The following PCDH15 variants were observed in gnomAD, a reference collection of about 807,000 sequenced individuals.
PCDH15 encodes the protein protocadherin-15.
Under a neutral mutation model 178.5 loss-of-function variants are expected in PCDH15, and 129 were observed. The ratio of observed to expected loss-of-function variants is 0.72; its 90% confidence interval spans 0.63 to 0.84. The LOEUF is 0.84. Ranked by LOEUF, PCDH15 falls within the 40% of genes least tolerant of loss-of-function variation. The pLI is 0.00. For synonymous variants in PCDH15, 800 were observed against 732.0 expected, an observed-to-expected ratio of 1.09 and a Z score of -1.50; for missense variants, 2,230 against 2,099.9, an observed-to-expected ratio of 1.06 and a Z score of -1.21.
At chr10:54,163,995 A>T (rs1590885905) in intron 13 of PCDH15, among the ~76,000 whole-genome samples, 1 of 152,158 alleles carries the variant, frequency 6.6e-6, no homozygotes, top group African/African-American at 2.4e-5. Flanking sequence ...GGAAACAAAC[A>T]TCTTCTTCAT....
intron 14 of PCDH15, among the ~76,000 whole-genome samples, chr10:54,143,595 A>C (rs1387915030): frequency 6.6e-6 from 1 of 152,202 alleles, no homozygotes; most frequent in African/African-American, 2.4e-5. Context: ...CATGAAGCAG[A>C]GCAATAATTG....
intron 3 of PCDH15, among the ~76,000 whole-genome samples, chr10:54,475,279 T>G (rs2078199893): frequency 6.6e-6 from 1 of 152,022 alleles, no homozygotes; most frequent in African/African-American, 2.4e-5. Context: ...AATTATAATA[T>G]TCAACGTTTA....
chr10:54,303,405 A>T lies in PCDH15; in HGVS notation c.876+13866T>A, dbSNP rs2060264341. The stretch of plus-strand genomic sequence containing the variant: ...CATATCCCATATGTACATATATATA[A>T]AAATATATTTATGTATGTGTATATA... On this transcript the variant is annotated intron_variant, in intron 8 of 37. Coordinates refer to ENST00000644397, the MANE Select transcript of PCDH15 (RefSeq NM_001384140.1). Among the ~76,000 whole-genome samples the T allele has an allele frequency of 3.3e-5, 5 of 151,984 alleles. No homozygotes were observed. The South Asian group carries it at 6.2e-4, about 19-fold the overall frequency.
At chr10:54,087,054 A>T (rs1445382899) in intron 16 of PCDH15, among the ~76,000 whole-genome samples, 1 of 152,160 alleles carries the variant, frequency 6.6e-6, no homozygotes, top group African/African-American at 2.4e-5. Context: ...TCTTGGCATC[A>T]AGGGAAAAAC....
Position 54,193,503 on chromosome 10 carries a change from C to T in PCDH15, c.1305+2180G>A, listed in dbSNP as rs987296246. Among the ~76,000 whole-genome samples the T allele has an allele frequency of 4.6e-5, 7 of 152,106 alleles. No homozygotes were observed. The South Asian group carries it at 6.2e-4, about 14-fold the overall frequency. ...ATGTATTCAATTGAAAAGCAAAATC[C>T]GCACTAAAATTTGTGGGACATTAGT... On this transcript the variant is annotated intron_variant, in intron 11 of 37. Transcript: ENST00000644397.
intron 2 of PCDH15, among the ~76,000 whole-genome samples, chr10:54,627,463 T>G (rs2093587258): frequency 6.6e-6 from 1 of 152,116 alleles, no homozygotes; most frequent in African/African-American, 2.4e-5. Context: ...AAATGGAAGT[T>G]TGCCTGCACA....
chr10:55,214,355 T>C (rs1019768232), intron 1 of PCDH15, among the ~76,000 whole-genome samples: 1 of 152,000 alleles, frequency 6.6e-6, no homozygotes, highest in Non-Finnish European at 1.5e-5. Context: ...TATGACAAAG[T>C]TTCTACAATC....
At chr10:54,668,102 G>T (rs1436658023) in intron 1 of PCDH15, among the ~76,000 whole-genome samples, 1 of 151,404 alleles carries the variant, frequency 6.6e-6, no homozygotes, top group Non-Finnish European at 1.5e-5. Context: ...TATTTATCTG[G>T]CATTCAATGT....
chr10:54,084,083 CT>C (rs34480492), intron 16 of PCDH15, among the ~76,000 whole-genome samples: 36,728 of 148,060 alleles, frequency 0.25, 4,762 homozygotes, highest in East Asian at 0.3. Flanking sequence ...TTAATGTGCA[CT>C]TTTTTTTTTT....
At chr10:54,467,601 G>GTTTTTTTTTTTTTTTTTTTTTTTTTTTGT (rs67776985) in intron 3 of PCDH15, among the ~76,000 whole-genome samples, 1 of 45,670 alleles carries the variant, frequency 2.2e-5, no homozygotes, top group Non-Finnish European at 3.9e-5. Flanking sequence ...TCAAGCTGTA[G>GTTTTTTTTTTTTTTTTTTTTTTTTTTTGT]TTTTTTTTTT....
chr10:54,930,152 A>C (rs1393331759), intron 2 of PCDH15, among the ~76,000 whole-genome samples: 3 of 152,152 alleles, frequency 2.0e-5, no homozygotes, highest in Admixed American at 1.3e-4. Flanking sequence ...CCACGTGTAC[A>C]GTAAGGAGCA....
chr10:54,270,374 A>G (rs1489770085), intron 8 of PCDH15, among the ~76,000 whole-genome samples: 1 of 152,160 alleles, frequency 6.6e-6, no homozygotes, highest in East Asian at 1.9e-4. Context: ...TGTCTATGGA[A>G]TACATGAACA....
chr10:55,541,979 GA>G (rs1336500882), intron 2 of PCDH15, among the ~76,000 whole-genome samples: 1 of 151,588 alleles, frequency 6.6e-6, no homozygotes, highest in Non-Finnish European at 1.5e-5. Context: ...TGAGTCAGAA[GA>G]ATACAATATA....
At chr10:54,384,438 CT>C (rs1366046168) in intron 3 of PCDH15, among the ~76,000 whole-genome samples, 5 of 151,126 alleles carry the variant, frequency 3.3e-5, no homozygotes, top group African/African-American at 4.9e-5. Flanking sequence ...AAAATATAAA[CT>C]TTTTGACTGC....
chr10:55,594,791 C>T (rs1384559101), intron 2 of PCDH15, among the ~76,000 whole-genome samples: 1 of 151,972 alleles, frequency 6.6e-6, no homozygotes, highest in Non-Finnish European at 1.5e-5. Flanking sequence ...TTTAAGAAGA[C>T]AATTCAAATT....
At chr10:55,437,428 A>C (rs1277151567) in intron 2 of PCDH15, among the ~76,000 whole-genome samples, 1 of 152,150 alleles carries the variant, frequency 6.6e-6, no homozygotes, top group Non-Finnish European at 1.5e-5. Flanking sequence ...GTTACAAGGA[A>C]GCTAAAAAGA....
At chr10:55,474,077 C>T (rs953833996) in intron 2 of PCDH15, among the ~76,000 whole-genome samples, 3 of 152,110 alleles carry the variant, frequency 2.0e-5, no homozygotes, top group Admixed American at 6.6e-5. Context: ...ATAGTATATT[C>T]ATGTTGCGTT....
intron 8 of PCDH15, among the ~76,000 whole-genome samples, chr10:54,287,942 C>T (rs1045106410): frequency 6.6e-6 from 1 of 152,054 alleles, no homozygotes; most frequent in Non-Finnish European, 1.5e-5. Context: ...TATCCTAGAA[C>T]TTATCATTAT....
chr10:55,073,246 T>C (rs1456651894), intron 2 of PCDH15, among the ~76,000 whole-genome samples: 9 of 151,956 alleles, frequency 5.9e-5, no homozygotes, highest in East Asian at 1.9e-4. Flanking sequence ...AAGTTCTGGC[T>C]AGGGCAATTA....
Sources: gnomAD v4.1 joint callset for allele counts (sites outside exome capture counted in the v4.1 genomes callset) on GRCh38, gnomAD v4.1.1 for gene constraint, MANE v1.5 for transcripts, NCBI Gene and HGNC (gene_info 2026-07-23, HGNC 2026-07-21) for gene names.